The following METTL15 variants were observed in gnomAD, a reference collection of about 807,000 sequenced individuals.
METTL15 encodes the protein methyltransferase 15, mitochondrial 12S rRNA N4-cytidine.
In METTL15, 34 loss-of-function variants were observed where a neutral mutation model predicts 38.3. The ratio of observed to expected loss-of-function variants is 0.89; its 90% CI spans 0.68 to 1.18. The LOEUF (loss-of-function observed/expected upper bound fraction) is 1.18. METTL15 is among the 50% of genes most tolerant of loss of function. The pLI is 0.00. For synonymous variants in METTL15, 162 were observed against 170.9 expected, an observed-to-expected ratio of 0.95 and a Z score of 0.41; for missense variants, 438 against 498.4, an observed-to-expected ratio of 0.88 and a Z score of 1.15.
chr11:28,393,903 T>G (rs1044413541), intron 5 of METTL15, among the ~76,000 whole-genome samples: 16 of 152,090 alleles, frequency 1.1e-4, no homozygotes, highest in African/African-American at 3.4e-4. Context: ...GAAGCCTTCC[T>G]TTAAATTATC....
rs1318144754 is a variant in METTL15, at chr11:28,113,821, T to A, written c.270+217T>A. ...TTTAACTTTCAGGACAATATTCATA[T>A]AAGTTACATGAGATAGTCAATAACT... On this transcript the variant is annotated intron_variant, in intron 3 of 6. Coordinates refer to ENST00000407364, the MANE Select transcript of METTL15 (RefSeq NM_001113528.2). 2.6e-5 allele frequency among the ~76,000 whole-genome samples: 4 copies of A among 152,216 alleles called. 1 individual carries two copies. The highest frequency in any genetic ancestry group is 2.6e-4 in the Admixed American group (4 of 15,274).
chr11:28,281,840 A>T (rs943283960), intron 4 of METTL15, among the ~76,000 whole-genome samples: 1 of 152,204 alleles, frequency 6.6e-6, no homozygotes, highest in African/African-American at 2.4e-5. Context: ...GGGACTGCCT[A>T]TTACATATTA....
intron 3 of METTL15, among the ~76,000 whole-genome samples, chr11:28,189,307 A>G (rs1353349734): frequency 6.6e-6 from 1 of 151,280 alleles, no homozygotes; most frequent in African/African-American, 2.4e-5. Flanking sequence ...GAATGTAATG[A>G]CATTCTGTCT....
chr11:28,430,753 C>T (rs546754329), intron 6 of METTL15, among the ~76,000 whole-genome samples: 5 of 112,510 alleles, frequency 4.4e-5, no homozygotes, highest in African/African-American at 6.8e-5. Context: ...CCTGGCCAGC[C>T]GCCCCGTCTG....
chr11:28,387,725 A>T (rs542112968), intron 5 of METTL15, among the ~76,000 whole-genome samples: 1 of 152,250 alleles, frequency 6.6e-6, no homozygotes, highest in Non-Finnish European at 1.5e-5. Flanking sequence ...TACCAGAATC[A>T]GACAAAGATG....
intron 3 of METTL15, among the ~76,000 whole-genome samples, chr11:28,129,231 A>T (rs1394613753): frequency 6.6e-6 from 1 of 152,204 alleles, no homozygotes; most frequent in East Asian, 1.9e-4. Flanking sequence ...ATGTCTATGA[A>T]TAAGTGGTTA....
At chr11:28,230,618 G>A (rs988150991) in intron 4 of METTL15, among the ~76,000 whole-genome samples, 2 of 151,854 alleles carry the variant, frequency 1.3e-5, no homozygotes. Flanking sequence ...GGGCTTCTGA[G>A]TTATTAAAAG....
intron 6 of METTL15, among the ~76,000 whole-genome samples, chr11:28,437,440 C>T (rs1850993474): frequency 6.6e-6 from 1 of 152,166 alleles, no homozygotes; most frequent in African/African-American, 2.4e-5. Context: ...AGGGATGCAA[C>T]ATGGACGAAA....
At chr11:28,510,922 T>G (rs1235102815) in intron 6 of METTL15, among the ~76,000 whole-genome samples, 1 of 152,278 alleles carries the variant, frequency 6.6e-6, no homozygotes, top group African/African-American at 2.4e-5. Context: ...AAATGACAAG[T>G]TGGACAGGCT....
the METTL15 span, among the ~76,000 whole-genome samples, chr11:28,532,390 G>A: frequency 6.6e-6 from 1 of 152,080 alleles, no homozygotes; most frequent in Non-Finnish European, 1.5e-5. Context: ...TCCTATTTGT[G>A]TGTGTATGCA....
At chr11:28,236,789 C>G (rs1379050385) in intron 4 of METTL15, among the ~76,000 whole-genome samples, 1 of 152,100 alleles carries the variant, frequency 6.6e-6, no homozygotes, top group Non-Finnish European at 1.5e-5. Flanking sequence ...TCTTTTAGGG[C>G]AGGCCTGGTG....
chr11:28,414,048 C>T (rs562102146), intron 5 of METTL15, among the ~76,000 whole-genome samples: 1 of 152,158 alleles, frequency 6.6e-6, no homozygotes, highest in East Asian at 1.9e-4. Flanking sequence ...CTTTTCAACA[C>T]AGTGAATTTT....
At chr11:28,208,641 C>G (rs1379823432) in intron 3 of METTL15, among the ~76,000 whole-genome samples, 1 of 152,110 alleles carries the variant, frequency 6.6e-6, no homozygotes, top group Non-Finnish European at 1.5e-5. Flanking sequence ...TTGTGCAGAG[C>G]TGAGTTCAAT....
chr11:28,492,952 A>G (rs955223091), intron 6 of METTL15, among the ~76,000 whole-genome samples: 6 of 152,236 alleles, frequency 3.9e-5, no homozygotes, highest in Non-Finnish European at 7.4e-5. Context: ...ACTAGAACTC[A>G]ATTATCCTGA....
At chr11:28,290,940 C>A (rs1856486610) in intron 5 of METTL15, among the ~76,000 whole-genome samples, 1 of 151,902 alleles carries the variant, frequency 6.6e-6, no homozygotes, top group South Asian at 2.1e-4. Flanking sequence ...AATAAGATAT[C>A]TTTTACACCT....
chr11:28,298,925 A>C (rs1856826044), intron 6 of METTL15, among the ~76,000 whole-genome samples: 1 of 152,126 alleles, frequency 6.6e-6, no homozygotes, highest in Non-Finnish European at 1.5e-5. Flanking sequence ...CTACTTCCTA[A>C]ATACTAAAGG....
At chr11:28,390,231 A>G (rs898616337) in intron 5 of METTL15, among the ~76,000 whole-genome samples, 1 of 151,200 alleles carries the variant, frequency 6.6e-6, no homozygotes, top group African/African-American at 2.4e-5. Flanking sequence ...TCTTTAGTTT[A>G]ATTAGATCCC....
chr11:28,475,006 A>G (rs1851333711), intron 6 of METTL15, among the ~76,000 whole-genome samples: 2 of 152,152 alleles, frequency 1.3e-5, no homozygotes. Context: ...TCTCTCTCTT[A>G]TTTAATCAGA....
chr11:28,415,973 A>G (rs1850768999), intron 5 of METTL15, among the ~76,000 whole-genome samples: 1 of 152,236 alleles, frequency 6.6e-6, no homozygotes, highest in African/African-American at 2.4e-5. Flanking sequence ...CACACATAAC[A>G]TATGTCTAAA....
Sources: allele counts gnomAD v4.1 joint callset (sites outside exome capture counted in the v4.1 genomes callset), GRCh38; gene constraint gnomAD v4.1.1; transcripts MANE v1.5; gene names NCBI Gene and HGNC (gene_info 2026-07-23, HGNC 2026-07-21).